Variants in SPR observed in about 807,000 individuals in gnomAD.
SPR encodes Sepiapterin reductase (L-erythro-7,8-dihydrobiopterin forming).
In SPR, 12 loss-of-function variants were observed where a neutral mutation model predicts 16.0. That is an observed-to-expected ratio of 0.75 (90% CI 0.48 to 1.22). SPR has a LOEUF of 1.22. Among genes scored for constraint, SPR ranks in the 50% most tolerant of loss-of-function variants. The pLI, the probability that SPR is intolerant of heterozygous loss-of-function variation, is 0.00. For synonymous variants in SPR, 177 were observed against 168.5 expected, an observed-to-expected ratio of 1.05 and a Z score of -0.39; for missense variants, 324 against 344.4, an observed-to-expected ratio of 0.94 and a Z score of 0.47.
At chr2:72,889,023 T>C (rs1286779623) in intron 2 of SPR, among the ~76,000 whole-genome samples, 2 of 152,210 alleles carry the variant, frequency 1.3e-5, no homozygotes, top group East Asian at 3.9e-4. Flanking sequence ...GACCACACTG[T>C]ATTGTCTGCA....
chr2:72,887,720 G>T lies in SPR; in HGVS notation c.288G>T (p.Leu96=). 6.6e-7 allele frequency: 1 copy of T among 1,513,488 alleles called. No homozygotes were observed. Among genetic ancestry groups the T allele is most frequent in the Non-Finnish European group, 8.8e-7 (1 of 1,137,094 alleles). The allele number at this position is 1,513,488 out of a possible 1,614,324, so 93.8% of individuals were successfully genotyped here. The change falls in exon 1 of 3, where the codon CTG becomes CTT. Residue 96 remains leucine (L), a synonymous_variant. Coordinates refer to ENST00000234454, the MANE Select transcript of SPR (RefSeq NM_003124.5). ...LPRPKGLQRL[L]LINNAGSLGD... ...GGCCCAAGGGGCTGCAGCGACTGCTGCTTATCAACAACGCGGGTAAGACCC... is the reference window on the plus strand; with the variant it reads ...GGCCCAAGGGGCTGCAGCGACTGCTTCTTATCAACAACGCGGGTAAGACCC...
chr2:72,891,692 G>C lies in SPR; in HGVS notation c.*155G>C, dbSNP rs1010823046. On this transcript the variant is annotated 3_prime_UTR_variant, in exon 3 of 3. Coordinates refer to ENST00000234454, the MANE Select transcript of SPR (RefSeq NM_003124.5). The stretch of plus-strand genomic sequence containing the variant: ...TGCCCTCAGGCACAGCCAGCTGTGA[G>C]CTCCCAGGTCATTGGCCTTACCAGT... 5 of 869,942 alleles carry C rather than the reference G, an allele frequency of 5.7e-6. No individual in the cohort carries two copies. Among genetic ancestry groups the C allele is most frequent in the Admixed American group, 2.0e-5 (1 of 48,868 alleles). 53.9% of individuals were successfully genotyped at this position (869,942 alleles called of 1,614,324 possible).
chr2:72,890,313 ATGT>A (rs1231241495), intron 2 of SPR, among the ~76,000 whole-genome samples: 1 of 152,016 alleles, frequency 6.6e-6, no homozygotes, highest in Non-Finnish European at 1.5e-5. Flanking sequence ...GAGCGGAGGA[ATGT>A]TGTGATCCCA....
intron 2 of SPR, 103 bp downstream of exon 2, chr2:72,888,707 G>A: frequency 7.6e-7 from 1 of 1,308,900 alleles, no homozygotes; most frequent in Non-Finnish European, 1.0e-6. Flanking sequence ...ACAACCCACA[G>A]GATTTTGTCC....
rs750723240 is a variant in SPR at position 72,887,499 on chromosome 2, C to A, written c.67C>A (p.Leu23Met). ...TGASRGFGRT[L>M]APLLASLLSP... ...GGCCTCCCGCGGCTTCGGCCGGACG[C>A]TGGCCCCGCTCCTGGCCTCGCTGCT... Residue 23 changes from leucine to methionine, a missense_variant, in exon 1 of 3, where the codon CTG (leucine) becomes ATG (methionine). Physicochemically the swap from Leu to Met is conservative, Grantham distance 15 (BLOSUM62 2). Coordinates refer to ENST00000234454, the MANE Select transcript of SPR (RefSeq NM_003124.5). 27 of 1,495,682 alleles carry A rather than the reference C, an allele frequency of 1.8e-5. No individual in the cohort carries two copies. The highest frequency in any genetic ancestry group is 2.2e-5 in the Admixed American group (1 of 45,510). The allele number at this position is 1,495,682 out of a possible 1,614,324, so 92.7% of individuals were successfully genotyped here. A position where few individuals can be genotyped will look rare whatever the true frequency, so the allele number is the denominator to read the frequency against.
chr2:72,889,908 G>A lies in SPR; in HGVS notation c.595+1304G>A, dbSNP rs1670594653. On this transcript the variant is annotated intron_variant, in intron 2 of 2. Transcript: ENST00000234454. ...GTCCTCTCTCAGCAGGGATGCACAG[G>A]TCATTGGAAAATAGTCAAGGACCAG... is the stretch of plus-strand genomic sequence containing the variant. Among the ~76,000 whole-genome samples, 7 of 152,330 alleles carry A rather than the reference G, an allele frequency of 4.6e-5. No individual in the cohort carries two copies. In the South Asian group the frequency reaches 1.4e-3, roughly 32 times the overall value.
intron 2 of SPR, among the ~76,000 whole-genome samples, chr2:72,889,272 G>T (rs1670587486): frequency 6.6e-6 from 1 of 152,138 alleles, no homozygotes; most frequent in Admixed American, 6.5e-5. Flanking sequence ...CAAAGGACAG[G>T]GAGTCTTGTG....
rs1257123075 is a variant in SPR at position 72,891,540 on chromosome 2, C to T, written c.*3C>T. The stretch of plus-strand genomic sequence containing the variant: ...ACGTGGACTTCTATGACAAATAAGC[C>T]CATGTTTTTGGCTTCCTGAACCTTT... On this transcript the variant is annotated 3_prime_UTR_variant, in exon 3 of 3. Coordinates refer to ENST00000234454, the MANE Select transcript of SPR (RefSeq NM_003124.5). The T allele has an allele frequency of 6.2e-7, 1 of 1,614,108 alleles. No individual in the cohort carries two copies. Among genetic ancestry groups the T allele is most frequent in the Non-Finnish European group, 8.5e-7 (1 of 1,180,050 alleles).
chr2:72,888,288 GT>G, intron 1 of SPR, 25 bp from the exon 2 acceptor site: 1 of 1,613,794 alleles, frequency 6.2e-7, no homozygotes, highest in South Asian at 1.1e-5. Context: ...CCTGCACTGA[GT>G]TACTCCTAAG....
chr2:72,889,582 T>C (rs1670590671), intron 2 of SPR, among the ~76,000 whole-genome samples: 1 of 116,916 alleles, frequency 8.6e-6, no homozygotes. Flanking sequence ...CCAACACACA[T>C]GCACAATTAT....
Position 72,891,549 on chromosome 2 carries a change from T to G in SPR, c.*12T>G. 4 of 1,614,212 alleles carry G rather than the reference T, an allele frequency of 2.5e-6. No individual in the cohort carries two copies. Among genetic ancestry groups the G allele is most frequent in the African/African-American group, 2.7e-5 (2 of 75,052 alleles). On this transcript the variant is annotated 3_prime_UTR_variant, in exon 3 of 3. Transcript: ENST00000234454. ...TCTATGACAAATAAGCCCATGTTTT[T>G]GGCTTCCTGAACCTTTTTGCCCCCA... is the stretch of plus-strand genomic sequence containing the variant.
At position 72,891,466 on chromosome 2, in the gene SPR, C is replaced by T. The variant is rs761407827; in HGVS notation, c.715C>T (p.Gln239Ter). 7 of 1,614,226 alleles carry T rather than the reference C, an allele frequency of 4.3e-6. No homozygotes were observed. The highest frequency in any genetic ancestry group is 1.3e-5 in the African/African-American group (1 of 75,064). ...GKLVDCKVSA[Q>*]KLLSLLEKDE... The stretch of plus-strand genomic sequence containing the variant: ...GCTGGTGGATTGCAAGGTGTCAGCC[C>T]AGAAACTGCTGAGCTTACTGGAAAA... Residue 239 changes from glutamine (Q) to a stop codon, truncating the protein, a stop_gained, in exon 3 of 3, where the codon CAG becomes TAG. Coordinates refer to ENST00000234454, the MANE Select transcript of SPR (RefSeq NM_003124.5). LOFTEE classifies it high-confidence loss of function.
intron 2 of SPR, among the ~76,000 whole-genome samples, chr2:72,889,134 C>T (rs1670585549): frequency 6.6e-6 from 1 of 152,196 alleles, no homozygotes; most frequent in South Asian, 2.1e-4. Flanking sequence ...AGGCAAGCTG[C>T]AGGACATGCT....
rs1460811126 is a variant in SPR, at chr2:72,888,470, A to T, written c.461A>T (p.Asn154Ile). 6.2e-7 allele frequency: 1 copy of T among 1,613,986 alleles called. No individual in the cohort carries two copies. The highest frequency in any genetic ancestry group is 2.2e-5 in the East Asian group (1 of 44,878). ...CCTGGCCTCAACAGAACCGTGGTTA[A>T]CATCTCGTCCCTCTGTGCCCTGCAA... ...DSPGLNRTVV[N>I]ISSLCALQPF... The change falls in exon 2 of 3, where the codon AAC becomes ATC. Residue 154 changes from asparagine to isoleucine, a missense_variant. Transcript: ENST00000234454.
Position 72,887,693 on chromosome 2 carries a change from C to T in SPR, c.261C>T (p.Pro87=). 1 of 1,503,766 alleles carries T rather than the reference C, an allele frequency of 6.6e-7. No homozygotes were observed. The highest frequency in any genetic ancestry group is 8.8e-7 in the Non-Finnish European group (1 of 1,133,100). The allele number at this position is 1,503,766 out of a possible 1,614,324, so 93.2% of individuals were successfully genotyped here. ...TGCTCGGCGCCCTGCGCGAGCTCCCCCGGCCCAAGGGGCTGCAGCGACTGC... is the reference window on the plus strand; with the variant it reads ...TGCTCGGCGCCCTGCGCGAGCTCCCTCGGCCCAAGGGGCTGCAGCGACTGC... ...QQLLGALREL[P]RPKGLQRLLL... Residue 87 remains proline (P), a synonymous_variant, in exon 1 of 3, where the codon CCC becomes CCT. Coordinates refer to ENST00000234454, the MANE Select transcript of SPR (RefSeq NM_003124.5).
At chr2:72,888,923 C>T (rs185482002) in intron 2 of SPR, among the ~76,000 whole-genome samples, 1 of 152,326 alleles carries the variant, frequency 6.6e-6, no homozygotes, top group Admixed American at 6.5e-5. Flanking sequence ...ACGCTCCCTG[C>T]CTCACAGGGC....
At position 72,891,430 on chromosome 2, in the gene SPR, G is replaced by A. The variant is rs1243064552; in HGVS notation, c.679G>A (p.Ala227Thr). The part of the protein sequence containing the change: ...DMRKGLQELK[A>T]KGKLVDCKVS... Reference sequence around the variant, plus strand: ...GCGAAAAGGGCTGCAGGAGCTGAAGGCAAAGGGGAAGCTGGTGGATTGCAA... The same window carrying A: ...GCGAAAAGGGCTGCAGGAGCTGAAGACAAAGGGGAAGCTGGTGGATTGCAA... The change falls in exon 3 of 3, where the codon GCA becomes ACA. Residue 227 changes from alanine (A) to threonine (T), a missense_variant. Ala to Thr is a moderately conservative substitution (Grantham distance 58, BLOSUM62 0). Coordinates refer to ENST00000234454, the MANE Select transcript of SPR (RefSeq NM_003124.5). The A allele has an allele frequency of 4.3e-6, 7 of 1,614,254 alleles. No individual in the cohort carries two copies. The highest frequency in any genetic ancestry group is 1.1e-5 in the South Asian group (1 of 91,088).
At chr2:72,889,260 G>A (rs1249463843) in intron 2 of SPR, among the ~76,000 whole-genome samples, 1 of 152,136 alleles carries the variant, frequency 6.6e-6, no homozygotes, top group African/African-American at 2.4e-5. Flanking sequence ...TCTCATGAAC[G>A]CCAAAGGACA....
chr2:72,888,708 G>T, intron 2 of SPR, 104 bp downstream of exon 2: 1 of 1,298,380 alleles, frequency 7.7e-7, no homozygotes. Flanking sequence ...CAACCCACAG[G>T]ATTTTGTCCT....
Sources: allele counts gnomAD v4.1 joint callset (sites outside exome capture counted in the v4.1 genomes callset), GRCh38; gene constraint gnomAD v4.1.1; transcripts MANE v1.5; gene names NCBI Gene and HGNC (gene_info 2026-07-23, HGNC 2026-07-21).